PRKG1: variants seen among roughly 807,000 people sequenced by gnomAD.
PRKG1 encodes protein kinase cGMP-dependent 1.
Under a neutral mutation model 88.1 loss-of-function variants are expected in PRKG1, and 35 were observed. The ratio of observed to expected loss-of-function variants is 0.40; its 90% CI spans 0.30 to 0.53. The LOEUF (loss-of-function observed/expected upper bound fraction) is 0.53, where lower values mean the gene tolerates loss of function less well. PRKG1 is among the 20% of genes least tolerant of loss of function. The pLI is 0.59. For missense variants in PRKG1, 540 were observed against 839.8 expected, an observed-to-expected ratio of 0.64 and a Z score of 4.41; for synonymous variants, 303 against 292.5, an observed-to-expected ratio of 1.04 and a Z score of -0.37.
chr10:51,008,957 A>G (rs1053344058), intron 1 of PRKG1, among the ~76,000 whole-genome samples: 2 of 152,194 alleles, frequency 1.3e-5, no homozygotes, highest in African/African-American at 4.8e-5. Context: ...CCTTTGGTTC[A>G]GATGAAAGTA....
intron 5 of PRKG1, among the ~76,000 whole-genome samples, chr10:51,996,772 C>T (rs1330092509): frequency 6.6e-6 from 1 of 152,160 alleles, no homozygotes; most frequent in East Asian, 1.9e-4. Flanking sequence ...ATATAACAAT[C>T]TTAGTACTGA....
At chr10:51,251,885 T>C (rs1839436053) in intron 2 of PRKG1, among the ~76,000 whole-genome samples, 1 of 151,858 alleles carries the variant, frequency 6.6e-6, no homozygotes, top group Non-Finnish European at 1.5e-5. Flanking sequence ...TCCAGTCCTG[T>C]TATGTATTGG....
chr10:51,731,838 G>T (rs1021088962), intron 3 of PRKG1, among the ~76,000 whole-genome samples: 3 of 152,178 alleles, frequency 2.0e-5, no homozygotes, highest in African/African-American at 7.2e-5. Flanking sequence ...CTGGAGGCTA[G>T]AAGTTTAATG....
chr10:51,916,139 C>G (rs1420244064), intron 5 of PRKG1, among the ~76,000 whole-genome samples: 1 of 152,090 alleles, frequency 6.6e-6, no homozygotes, highest in East Asian at 1.9e-4. Flanking sequence ...GTAAAATGAG[C>G]CTAAAACCTA....
At chr10:51,690,943 A>AG (rs1477837834) in intron 3 of PRKG1, among the ~76,000 whole-genome samples, 2 of 150,400 alleles carry the variant, frequency 1.3e-5, no homozygotes, top group Non-Finnish European at 3.0e-5. Flanking sequence ...AAAAAAAAAA[A>AG]AAAAAAAAGA....
At chr10:51,186,980 A>ATATG (rs1228231995) in intron 2 of PRKG1, among the ~76,000 whole-genome samples, 22 of 143,740 alleles carry the variant, frequency 1.5e-4, no homozygotes, top group African/African-American at 5.6e-4. Flanking sequence ...ATATATATAT[A>ATATG]TATGTATATA....
chr10:51,248,048 A>G (rs897758911), intron 2 of PRKG1, among the ~76,000 whole-genome samples: 1 of 151,928 alleles, frequency 6.6e-6, no homozygotes. Flanking sequence ...ATGTTAAACA[A>G]CAATCGTAAA....
chr10:51,851,026 G>A (rs1022400273), intron 4 of PRKG1, among the ~76,000 whole-genome samples: 21 of 152,064 alleles, frequency 1.4e-4, no homozygotes, highest in African/African-American at 3.9e-4. Flanking sequence ...AATGACAAAC[G>A]TGCTGGGATG....
chr10:51,752,110 C>T (rs1837741257), intron 3 of PRKG1, among the ~76,000 whole-genome samples: 1 of 152,162 alleles, frequency 6.6e-6, no homozygotes, highest in South Asian at 2.1e-4. Flanking sequence ...GCTACTGTTG[C>T]ATTTTCCATA....
At chr10:51,184,252 G>A (rs183718475) in intron 2 of PRKG1, among the ~76,000 whole-genome samples, 1 of 152,176 alleles carries the variant, frequency 6.6e-6, no homozygotes, top group East Asian at 1.9e-4. Flanking sequence ...GATAAAAGTC[G>A]ATTCATCTCT....
chr10:51,932,949 G>C (rs541319425), intron 5 of PRKG1, among the ~76,000 whole-genome samples: 1 of 152,158 alleles, frequency 6.6e-6, no homozygotes, highest in Non-Finnish European at 1.5e-5. Context: ...TGGAACTGTT[G>C]ACATTCTTGT....
At chr10:51,150,652 G>A (rs1395065256) in intron 1 of PRKG1, among the ~76,000 whole-genome samples, 1 of 152,060 alleles carries the variant, frequency 6.6e-6, no homozygotes, top group Non-Finnish European at 1.5e-5. Context: ...TTCTTTTGAA[G>A]TGACACAACA....
Position 51,628,993 on chromosome 10 carries a change from C to CA in PRKG1, c.592+161164dup, listed in dbSNP as rs1564580688. Among the ~76,000 whole-genome samples the CA allele has an allele frequency of 2.1e-3, 304 of 148,170 alleles. 1 individual carries two copies. Among genetic ancestry groups the CA allele is most frequent in the South Asian group, 4.5e-3 (21 of 4,676 alleles). Reference sequence around the variant, plus strand: ...AAAAAAAAAAAACAAAAACAAAAACCAAAAAAACTGCAAGTTATGTTAGTG... The same window carrying CA: ...AAAAAAAAAAAACAAAAACAAAAACCAAAAAAAACTGCAAGTTATGTTAGTG... On this transcript the variant is annotated intron_variant, in intron 3 of 17. Coordinates refer to ENST00000373980, the MANE Select transcript of PRKG1 (RefSeq NM_006258.4).
At chr10:51,238,350 G>A (rs1839055172) in intron 2 of PRKG1, among the ~76,000 whole-genome samples, 1 of 152,160 alleles carries the variant, frequency 6.6e-6, no homozygotes, top group Non-Finnish European at 1.5e-5. Flanking sequence ...AGAGGCCGAA[G>A]CAGGCAGGTC....
chr10:52,293,870 T>C lies in PRKG1; in HGVS notation c.2031T>C (p.Asp677=), dbSNP rs948811531. Residue 677 remains aspartate (D), a synonymous_variant, in exon 18 of 18, where the codon GAT becomes GAC. Transcript: ENST00000373980. ...AGGACAACGATGAACCACCACCTGATGACAACTCAGGATGGGATATAGACT... is the reference window on the plus strand; with the variant it reads ...AGGACAACGATGAACCACCACCTGACGACAACTCAGGATGGGATATAGACT... ...FPEDNDEPPP[D]DNSGWDIDF 6 of 1,612,444 alleles carry C rather than the reference T, an allele frequency of 3.7e-6. No homozygotes were observed. The African/African-American group carries it at 5.3e-5, about 14-fold the overall frequency.
chr10:51,011,964 GA>G (rs1842999022), intron 1 of PRKG1, among the ~76,000 whole-genome samples: 1 of 152,218 alleles, frequency 6.6e-6, no homozygotes, highest in African/African-American at 2.4e-5. Flanking sequence ...TGGCAGGCAA[GA>G]AGAGAACTTG....
At chr10:52,051,213 G>A (rs2133248248) in intron 5 of PRKG1, among the ~76,000 whole-genome samples, 1 of 152,198 alleles carries the variant, frequency 6.6e-6, no homozygotes, top group East Asian at 1.9e-4. Flanking sequence ...ATGGATGAGG[G>A]GAATGAGCTC....
In PRKG1 at chr10:51,531,793, C is replaced by T. The variant is rs996508407; in HGVS notation, c.592+63957C>T. ...CTGAGTAGCTGGGATTACAGGCTCCCGACACTGTGCCCGGCTAATTTTTGT... is the reference window on the plus strand; with the variant it reads ...CTGAGTAGCTGGGATTACAGGCTCCTGACACTGTGCCCGGCTAATTTTTGT... On this transcript the variant is annotated intron_variant, in intron 3 of 17. Coordinates refer to ENST00000373980, the MANE Select transcript of PRKG1 (RefSeq NM_006258.4). Among the ~76,000 whole-genome samples the T allele has an allele frequency of 3.3e-5, 5 of 151,462 alleles. No individual in the cohort carries two copies. The East Asian group carries it at 7.8e-4, about 24-fold the overall frequency.
chr10:51,296,640 A>AT (rs991060518), intron 2 of PRKG1, among the ~76,000 whole-genome samples: 6 of 151,796 alleles, frequency 4.0e-5, no homozygotes, highest in South Asian at 2.1e-4. Context: ...TTGTTTATGG[A>AT]TTTTTTTATT....
Sources: allele counts gnomAD v4.1 joint callset (sites outside exome capture counted in the v4.1 genomes callset), GRCh38; gene constraint gnomAD v4.1.1; transcripts MANE v1.5; gene names NCBI Gene and HGNC (gene_info 2026-07-23, HGNC 2026-07-21).